Variants in PPM1L observed in about 807,000 individuals in gnomAD.
The protein encoded by PPM1L is protein phosphatase 1L.
In PPM1L, 13 loss-of-function variants were observed where a neutral mutation model predicts 31.4. That is an observed-to-expected ratio of 0.41 (90% confidence interval 0.27 to 0.66). The LOEUF is 0.66. PPM1L is among the 30% of genes least tolerant of loss of function. The probability of loss-of-function intolerance (pLI) is 0.29; values close to 1 mark genes in which losing one functional copy is unlikely to be tolerated. For synonymous variants in PPM1L, 184 were observed against 175.4 expected (o/e 1.05, Z -0.39); for missense variants, 326 against 453.7 (o/e 0.72, Z 2.56).
At chr3:160,888,778 A>G (rs1713026170) in intron 1 of PPM1L, among the ~76,000 whole-genome samples, 1 of 152,212 alleles carries the variant, frequency 6.6e-6, no homozygotes, top group African/African-American at 2.4e-5. Context: ...TAAGTAAAAC[A>G]TTCCTCAGCA....
chr3:160,995,110 T>C (rs1717267641), intron 2 of PPM1L, among the ~76,000 whole-genome samples: 1 of 152,178 alleles, frequency 6.6e-6, no homozygotes. Context: ...TTTCGTGAGA[T>C]GGAGGTTTTC....
intron 2 of PPM1L, among the ~76,000 whole-genome samples, chr3:160,967,176 G>A (rs1328027672): frequency 6.6e-6 from 1 of 151,966 alleles, no homozygotes; most frequent in Non-Finnish European, 1.5e-5. Flanking sequence ...ATGCCACCAT[G>A]TAAGACATGC....
intron 1 of PPM1L, among the ~76,000 whole-genome samples, chr3:160,958,484 A>G (rs980909086): frequency 2.0e-4 from 31 of 152,366 alleles, no homozygotes; most frequent in African/African-American, 7.0e-4. Flanking sequence ...TTTCAAGGAA[A>G]AAAATTAATG....
chr3:160,765,045 C>T (rs1174544544), intron 1 of PPM1L, among the ~76,000 whole-genome samples: 1 of 152,154 alleles, frequency 6.6e-6, no homozygotes. Flanking sequence ...CAATTGCTAA[C>T]ATTTATTGAG....
At chr3:161,049,287 A>C (rs918945792) in intron 2 of PPM1L, among the ~76,000 whole-genome samples, 6 of 151,836 alleles carry the variant, frequency 4.0e-5, no homozygotes, top group South Asian at 4.2e-4. Flanking sequence ...CAAAAAAAAA[A>C]CCAAACCAAA....
At chr3:160,880,667 C>T (rs187559181) in intron 1 of PPM1L, among the ~76,000 whole-genome samples, 15 of 151,876 alleles carry the variant, frequency 9.9e-5, no homozygotes, top group African/African-American at 3.1e-4. Flanking sequence ...ACTTAAATTT[C>T]TGTTTCTATC....
At chr3:160,912,544 G>A (rs1714011715) in intron 1 of PPM1L, among the ~76,000 whole-genome samples, 1 of 152,134 alleles carries the variant, frequency 6.6e-6, no homozygotes. Flanking sequence ...ATATTAAGAG[G>A]TCTTCCTGTC....
chr3:160,956,786 T>A (rs1369151689), intron 1 of PPM1L, among the ~76,000 whole-genome samples: 1 of 152,246 alleles, frequency 6.6e-6, no homozygotes, highest in African/African-American at 2.4e-5. Flanking sequence ...AACCAGACTT[T>A]TATTCTCTAT....
chr3:160,834,471 ATGTGTGTGTGTGTGTG>A (rs150328470), intron 1 of PPM1L, among the ~76,000 whole-genome samples: 4,542 of 139,050 alleles, frequency 0.033, 88 homozygotes, highest in Middle Eastern at 0.12. Flanking sequence ...GTGTATGTGT[ATGTGTGTGTGTGTGTG>A]TGTGTGTGTG....
At chr3:160,797,514 G>C (rs1032462701) in intron 1 of PPM1L, among the ~76,000 whole-genome samples, 2 of 152,162 alleles carry the variant, frequency 1.3e-5, no homozygotes, top group Non-Finnish European at 2.9e-5. Context: ...AGCTAGAAAT[G>C]ATTAAGCTTA....
At chr3:160,828,624 G>A (rs1713422960) in intron 1 of PPM1L, among the ~76,000 whole-genome samples, 1 of 152,110 alleles carries the variant, frequency 6.6e-6, no homozygotes, top group Non-Finnish European at 1.5e-5. Flanking sequence ...GGTAGAGACT[G>A]CAGGTTTTGG....
intron 1 of PPM1L, among the ~76,000 whole-genome samples, chr3:160,759,242 T>G (rs1330672125): frequency 6.6e-6 from 1 of 152,196 alleles, no homozygotes; most frequent in Admixed American, 6.5e-5. Context: ...AGCTCTAGAA[T>G]GGTGCAGACG....
intron 2 of PPM1L, among the ~76,000 whole-genome samples, chr3:160,973,414 A>G (rs558702177): frequency 6.6e-6 from 1 of 152,382 alleles, no homozygotes; most frequent in Admixed American, 6.5e-5. Flanking sequence ...TGCCATCGGT[A>G]TCTCTTCCTT....
intron 1 of PPM1L, among the ~76,000 whole-genome samples, chr3:160,818,205 G>A (rs1713053407): frequency 1.3e-5 from 2 of 151,980 alleles, no homozygotes; most frequent in Admixed American, 1.3e-4. Flanking sequence ...TTCAAGAGCA[G>A]TATCGAACAC....
chr3:160,810,946 A>T (rs144120325), intron 1 of PPM1L, among the ~76,000 whole-genome samples: 5 of 152,234 alleles, frequency 3.3e-5, no homozygotes, highest in Admixed American at 1.3e-4. Flanking sequence ...TGTAATTTCA[A>T]ATAATAGAGC....
chr3:160,846,837 ATTGTTAT>A (rs1714092719), intron 1 of PPM1L, among the ~76,000 whole-genome samples: 1 of 152,102 alleles, frequency 6.6e-6, no homozygotes, highest in African/African-American at 2.4e-5. Context: ...CTAATTCTAC[ATTGTTAT>A]TTGTTAATTG....
chr3:161,056,967 G>T (rs1250982918), intron 2 of PPM1L, among the ~76,000 whole-genome samples: 1 of 152,068 alleles, frequency 6.6e-6, no homozygotes, highest in Non-Finnish European at 1.5e-5. Context: ...GGAGGCTGAG[G>T]CAGGAGAATC....
intron 2 of PPM1L, among the ~76,000 whole-genome samples, chr3:160,991,223 T>A (rs2889390): frequency 0.18 from 28,107 of 152,130 alleles, 3,527 homozygotes; most frequent in East Asian, 0.56. Flanking sequence ...AGGTGAAGAA[T>A]TAAATTCAGG....
chr3:161,009,826 C>T (rs1366016344), intron 2 of PPM1L, among the ~76,000 whole-genome samples: 1 of 152,038 alleles, frequency 6.6e-6, no homozygotes, highest in Non-Finnish European at 1.5e-5. Flanking sequence ...TACTTTAAAA[C>T]CAAACATTTT....
Sources: allele counts gnomAD v4.1 joint callset (sites outside exome capture counted in the v4.1 genomes callset), GRCh38; gene constraint gnomAD v4.1.1; transcripts MANE v1.5; gene names NCBI Gene and HGNC (gene_info 2026-07-23, HGNC 2026-07-21).